CNTN5: variants seen among roughly 807,000 people sequenced by gnomAD.
The protein encoded by CNTN5 is contactin-5.
A neutral mutation model predicts 129.1 loss-of-function variants in CNTN5; 77 were observed. The observed-to-expected ratio is 0.60, with a 90% CI of 0.50 to 0.72. CNTN5 has a LOEUF of 0.72. Among genes scored for constraint, CNTN5 ranks in the 30% least tolerant of loss-of-function variants. The pLI, the probability that CNTN5 is intolerant of heterozygous loss-of-function variation, is 0.00. For synonymous variants in CNTN5, 509 were observed against 465.6 expected (o/e 1.09, Z -1.20); for missense variants, 1,478 against 1,328.8 (o/e 1.11, Z -1.75).
intron 3 of CNTN5, among the ~76,000 whole-genome samples, chr11:99,776,297 A>G (rs1423406329): frequency 1.3e-5 from 2 of 152,028 alleles, no homozygotes; most frequent in African/African-American, 2.4e-5. Context: ...AAGGAGAGGT[A>G]GAAATGTCAG....
intron 23 of CNTN5, among the ~76,000 whole-genome samples, chr11:100,341,481 G>A (rs1180777688): frequency 6.6e-6 from 1 of 152,162 alleles, no homozygotes; most frequent in Non-Finnish European, 1.5e-5. Flanking sequence ...ATGATATTAG[G>A]ACCAGCAGAA....
chr11:99,717,139 T>C (rs1024345034), intron 3 of CNTN5, among the ~76,000 whole-genome samples: 1 of 152,140 alleles, frequency 6.6e-6, no homozygotes, highest in Non-Finnish European at 1.5e-5. Context: ...TTCAGATGTT[T>C]TGCCAATTAT....
intron 9 of CNTN5, among the ~76,000 whole-genome samples, chr11:100,018,013 A>C (rs537370195): frequency 8.5e-5 from 13 of 152,132 alleles, no homozygotes; most frequent in Admixed American, 3.3e-4. Flanking sequence ...GTATAATAGA[A>C]ATAACAAATA....
chr11:100,154,760 T>C (rs1947181615), intron 13 of CNTN5, among the ~76,000 whole-genome samples: 1 of 152,216 alleles, frequency 6.6e-6, no homozygotes, highest in African/African-American at 2.4e-5. Flanking sequence ...GATTTGTATT[T>C]CCCTAATGAC....
At chr11:99,387,267 C>T (rs1940974878) in intron 2 of CNTN5, among the ~76,000 whole-genome samples, 1 of 152,042 alleles carries the variant, frequency 6.6e-6, no homozygotes, top group Non-Finnish European at 1.5e-5. Context: ...TCATTTTCCC[C>T]CAGTTAAGAC....
intron 15 of CNTN5, among the ~76,000 whole-genome samples, chr11:100,211,591 A>C (rs1949034650): frequency 6.6e-6 from 1 of 152,190 alleles, no homozygotes; most frequent in African/African-American, 2.4e-5. Context: ...AATAGAAGGC[A>C]ATCTTCACTT....
rs561513490 is a variant in CNTN5, at chr11:100,277,076, T to A, written c.2314+5835T>A. ...ACCAATGAGTGAGAACATGTGATGT[T>A]TGTCTTTCTGTGCCTGGCTTATTTC... is the stretch of plus-strand genomic sequence containing the variant. On this transcript the variant is annotated intron_variant, in intron 18 of 24. Transcript: ENST00000524871. Among the ~76,000 whole-genome samples, 5 of 152,252 alleles carry A rather than the reference T, an allele frequency of 3.3e-5. No individual in the cohort carries two copies. The South Asian group carries it at 1.0e-3, about 32-fold the overall frequency.
chr11:99,310,879 G>A (rs1329536848), intron 1 of CNTN5, among the ~76,000 whole-genome samples: 1 of 152,074 alleles, frequency 6.6e-6, no homozygotes, highest in Non-Finnish European at 1.5e-5. Flanking sequence ...ATTAAGATGA[G>A]CATATACCTT....
At chr11:99,468,108 T>C (rs190730137) in intron 2 of CNTN5, among the ~76,000 whole-genome samples, 11 of 152,340 alleles carry the variant, frequency 7.2e-5, no homozygotes, top group Admixed American at 3.3e-4. Context: ...AATCCAGCTG[T>C]AGATACATAA....
intron 4 of CNTN5, among the ~76,000 whole-genome samples, chr11:99,828,090 A>G (rs1947024345): frequency 6.6e-6 from 1 of 152,180 alleles, no homozygotes. Context: ...CATATGTATT[A>G]TACTTTCTAT....
chr11:99,358,705 G>T (rs945414999), intron 2 of CNTN5, among the ~76,000 whole-genome samples: 1 of 152,062 alleles, frequency 6.6e-6, no homozygotes, highest in Non-Finnish European at 1.5e-5. Flanking sequence ...AAAAAATTCA[G>T]GTGACAGGAC....
chr11:100,193,897 T>C (rs1948566298), intron 15 of CNTN5, among the ~76,000 whole-genome samples: 1 of 151,974 alleles, frequency 6.6e-6, no homozygotes, highest in East Asian at 1.9e-4. Context: ...ATCTGGTTTC[T>C]TTGCCACCTT....
At chr11:99,482,867 A>C (rs534512874) in intron 2 of CNTN5, among the ~76,000 whole-genome samples, 37 of 152,240 alleles carry the variant, frequency 2.4e-4, no homozygotes, top group Non-Finnish European at 5.1e-4. Context: ...ACTGGGATTA[A>C]ATATTTGCAA....
chr11:99,894,082 A>G (rs973603670), intron 6 of CNTN5, among the ~76,000 whole-genome samples: 2 of 152,046 alleles, frequency 1.3e-5, no homozygotes, highest in South Asian at 2.1e-4. Flanking sequence ...AAATAAAATT[A>G]TCTCTTCCTG....
chr11:99,743,228 GCATACA>G (rs1943940781), intron 3 of CNTN5, among the ~76,000 whole-genome samples: 1 of 152,140 alleles, frequency 6.6e-6, no homozygotes, highest in South Asian at 2.1e-4. Context: ...GCCTGATTAT[GCATACA>G]CAAATAACAA....
chr11:100,319,044 AGCAGAAC>A (rs946914282), intron 21 of CNTN5, among the ~76,000 whole-genome samples: 1 of 152,174 alleles, frequency 6.6e-6, no homozygotes, highest in Non-Finnish European at 1.5e-5. Flanking sequence ...CAGTCCATGA[AGCAGAAC>A]ATTACTAAAC....
chr11:99,255,838 GCA>G (rs1223357315), intron 1 of CNTN5, among the ~76,000 whole-genome samples: 1 of 149,536 alleles, frequency 6.7e-6, no homozygotes, highest in Non-Finnish European at 1.5e-5. Flanking sequence ...ACATGCACAC[GCA>G]CACACACACC....
At chr11:99,807,849 G>A (rs1200729453) in intron 3 of CNTN5, among the ~76,000 whole-genome samples, 1 of 152,116 alleles carries the variant, frequency 6.6e-6, no homozygotes, top group Admixed American at 6.6e-5. Context: ...TGGATATCAA[G>A]ATCAGAGATG....
chr11:99,819,050 T>C (rs1946685766), intron 3 of CNTN5, among the ~76,000 whole-genome samples: 1 of 152,012 alleles, frequency 6.6e-6, no homozygotes, highest in Non-Finnish European at 1.5e-5. Flanking sequence ...TTCCTATCTA[T>C]GTTTGTAGAA....
Sources: gnomAD v4.1 joint callset for allele counts (sites outside exome capture counted in the v4.1 genomes callset) on GRCh38, gnomAD v4.1.1 for gene constraint, MANE v1.5 for transcripts, NCBI Gene and HGNC (gene_info 2026-07-23, HGNC 2026-07-21) for gene names.